CNTN4: variants seen among roughly 807,000 people sequenced by gnomAD.
The protein encoded by CNTN4 is contactin 4.
Under a neutral mutation model 122.5 loss-of-function variants are expected in CNTN4, and 77 were observed. The ratio of observed to expected loss-of-function variants is 0.63; its 90% CI spans 0.52 to 0.76. The LOEUF (loss-of-function observed/expected upper bound fraction) is 0.76. Among genes scored for constraint, CNTN4 ranks in the 30% least tolerant of loss-of-function variants. The probability of loss-of-function intolerance (pLI) is 0.00; values close to 1 mark genes in which losing one functional copy is unlikely to be tolerated. For missense variants in CNTN4, 1,256 were observed against 1,259.1 expected (o/e 1.00, Z 0.04); for synonymous variants, 512 against 447.0 (o/e 1.15, Z -1.83).
At chr3:2,412,661 A>G (rs1350178308) in intron 3 of CNTN4, among the ~76,000 whole-genome samples, 1 of 151,822 alleles carries the variant, frequency 6.6e-6, no homozygotes, top group Non-Finnish European at 1.5e-5. Context: ...CTGTGTTTGA[A>G]TGTTCTTGAA....
At chr3:2,994,992 T>A (rs747979467) in intron 14 of CNTN4, among the ~76,000 whole-genome samples, 3 of 152,188 alleles carry the variant, frequency 2.0e-5, no homozygotes, top group Non-Finnish European at 4.4e-5. Flanking sequence ...TTCTGGGTGA[T>A]AATTAAGGGT....
At chr3:2,865,694 C>T (rs1223984977) in intron 7 of CNTN4, among the ~76,000 whole-genome samples, 3 of 152,154 alleles carry the variant, frequency 2.0e-5, no homozygotes, top group Non-Finnish European at 2.9e-5. Context: ...AGAGAGGAAT[C>T]GTGGAATGCC....
chr3:3,026,861 A>G (rs570664282), intron 15 of CNTN4, among the ~76,000 whole-genome samples: 1 of 152,188 alleles, frequency 6.6e-6, no homozygotes, highest in Non-Finnish European at 1.5e-5. Flanking sequence ...ATCATTGAAC[A>G]CATAACAAGA....
intron 4 of CNTN4, among the ~76,000 whole-genome samples, chr3:2,696,692 A>G (rs1339699268): frequency 6.6e-6 from 1 of 152,222 alleles, no homozygotes; most frequent in African/African-American, 2.4e-5. Context: ...TTATAAATCA[A>G]TGTCAAGTTT....
intron 2 of CNTN4, among the ~76,000 whole-genome samples, chr3:2,107,162 A>C (rs1268548694): frequency 6.6e-6 from 1 of 152,104 alleles, no homozygotes; most frequent in Non-Finnish European, 1.5e-5. Flanking sequence ...GAGCCCTCCA[A>C]ACTGTTCCAG....
At chr3:3,010,517 G>A (rs75124690) in intron 14 of CNTN4, among the ~76,000 whole-genome samples, 9,891 of 151,398 alleles carry the variant, frequency 0.065, 508 homozygotes, top group Non-Finnish European at 0.088. Context: ...GTTTTAGAAG[G>A]TTCCTAGGAC....
At position 2,556,359 on chromosome 3, in the gene CNTN4, T is replaced by A. The variant is rs150089740; in HGVS notation, c.-88-15057T>A. On this transcript the variant is annotated intron_variant, in intron 3 of 24. Coordinates refer to ENST00000418658, the MANE Select transcript of CNTN4 (RefSeq NM_175607.3). ...TTTAATTACACACCCTGCCTGTCCT[T>A]GTGAACCTCTGTGGTTTACTTACAA... Among the ~76,000 whole-genome samples, 1,336 of 152,306 alleles carry A rather than the reference T, an allele frequency of 8.8e-3. 9 individuals are homozygous for A. Among genetic ancestry groups the A allele is most frequent in the Middle Eastern group, 0.041 (12 of 294 alleles).
intron 6 of CNTN4, among the ~76,000 whole-genome samples, chr3:2,773,322 TTTATTA>T (rs755184025): frequency 6.6e-6 from 1 of 152,184 alleles, no homozygotes; most frequent in Non-Finnish European, 1.5e-5. Context: ...AGACACAAGG[TTTATTA>T]ATAAGTTGGT....
intron 13 of CNTN4, among the ~76,000 whole-genome samples, chr3:2,930,165 A>C (rs2094507216): frequency 6.6e-6 from 1 of 152,118 alleles, no homozygotes; most frequent in Non-Finnish European, 1.5e-5. Flanking sequence ...TTCTTTTCTA[A>C]GCCCAGATGT....
At chr3:2,689,223 T>C (rs908489) in intron 4 of CNTN4, among the ~76,000 whole-genome samples, 14,633 of 152,108 alleles carry the variant, frequency 0.096, 1,536 homozygotes, top group African/African-American at 0.26. Flanking sequence ...ACACAGAAAA[T>C]GGGGAAGGAG....
At chr3:2,470,939 C>T (rs1305643371) in intron 3 of CNTN4, among the ~76,000 whole-genome samples, 1 of 152,152 alleles carries the variant, frequency 6.6e-6, no homozygotes, top group African/African-American at 2.4e-5. Flanking sequence ...AGCCTTTACC[C>T]TTAAGATGCT....
chr3:2,189,265 G>C (rs560803243), intron 2 of CNTN4, among the ~76,000 whole-genome samples: 2 of 152,252 alleles, frequency 1.3e-5, no homozygotes, highest in African/African-American at 4.8e-5. Context: ...AAATGCTCTT[G>C]ATGTAAAACA....
At chr3:2,537,544 A>G (rs1010943683) in intron 3 of CNTN4, among the ~76,000 whole-genome samples, 1 of 152,062 alleles carries the variant, frequency 6.6e-6, no homozygotes, top group Non-Finnish European at 1.5e-5. Flanking sequence ...CATCTGATGA[A>G]AACTGTCCAC....
chr3:2,634,816 A>T (rs1466899648), intron 4 of CNTN4, among the ~76,000 whole-genome samples: 1 of 151,934 alleles, frequency 6.6e-6, no homozygotes, highest in Admixed American at 6.6e-5. Flanking sequence ...AGATCACACC[A>T]CTGTACTCCA....
intron 3 of CNTN4, among the ~76,000 whole-genome samples, chr3:2,416,307 C>T (rs2047409983): frequency 6.6e-6 from 1 of 152,110 alleles, no homozygotes; most frequent in African/African-American, 2.4e-5. Context: ...TAACTTTTTC[C>T]TAGTAATTTT....
chr3:2,101,983 T>A (rs2032003875), intron 2 of CNTN4, among the ~76,000 whole-genome samples: 1 of 152,202 alleles, frequency 6.6e-6, no homozygotes. Flanking sequence ...CACTTCTATA[T>A]CTTCTGTAAC....
intron 2 of CNTN4, among the ~76,000 whole-genome samples, chr3:2,151,167 C>T (rs947888743): frequency 5.9e-5 from 9 of 152,102 alleles, no homozygotes; most frequent in African/African-American, 1.2e-4. Flanking sequence ...TCAAGTGATC[C>T]GCCCACCTCA....
chr3:2,339,260 C>T (rs895650272), intron 3 of CNTN4, 27 bp downstream of exon 3: 3 of 152,048 alleles, frequency 2.0e-5, no homozygotes, highest in African/African-American at 7.2e-5. Context: ...GGAAGATTTT[C>T]CTTATGTGTA....
intron 3 of CNTN4, among the ~76,000 whole-genome samples, chr3:2,476,835 A>C (rs1179638998): frequency 6.6e-6 from 1 of 152,228 alleles, no homozygotes; most frequent in Non-Finnish European, 1.5e-5. Context: ...CAAACATAAA[A>C]AAAGTAGTCA....
Sources: gnomAD v4.1 joint callset for allele counts (sites outside exome capture counted in the v4.1 genomes callset) on GRCh38, gnomAD v4.1.1 for gene constraint, MANE v1.5 for transcripts, NCBI Gene and HGNC (gene_info 2026-07-23, HGNC 2026-07-21) for gene names.